The following RCC1L variants were observed in gnomAD, a reference collection of about 807,000 sequenced individuals.
The protein encoded by RCC1L is RCC1 like.
A neutral mutation model predicts 58.6 loss-of-function variants in RCC1L; 46 were observed. The ratio of observed to expected loss-of-function variants is 0.79; its 90% CI spans 0.62 to 1.00. The LOEUF (loss-of-function observed/expected upper bound fraction) is 1.00. RCC1L is among the 50% of genes least tolerant of loss of function. RCC1L has a pLI of 0.00. For synonymous variants in RCC1L, 281 were observed against 262.9 expected, an observed-to-expected ratio of 1.07 and a Z score of -0.67; for missense variants, 636 against 623.6, an observed-to-expected ratio of 1.02 and a Z score of -0.21.
At chr7:75,038,495 G>A (rs1203639842), downstream of RCC1L, among the ~76,000 whole-genome samples, 1 of 149,838 alleles carries the variant, frequency 6.7e-6, no homozygotes, top group Admixed American at 6.7e-5. Flanking sequence ...GTGCAGTGGT[G>A]TGATCTTGGC....
intron 10 of RCC1L, among the ~76,000 whole-genome samples, chr7:75,030,955 C>T (rs2131965804): frequency 6.6e-6 from 1 of 152,276 alleles, no homozygotes; most frequent in South Asian, 2.1e-4. Flanking sequence ...TGCCCCTCAC[C>T]CAAACTTTGG....
chr7:75,073,423 C>T lies in RCC1L; in HGVS notation c.315G>A (p.Leu105=). 3.1e-6 allele frequency: 4 copies of T among 1,293,126 alleles called. No individual in the cohort carries two copies. Among genetic ancestry groups the T allele is most frequent in the Non-Finnish European group, 4.0e-6 (4 of 1,004,200 alleles). 80.1% of individuals were successfully genotyped at this position (1,293,126 alleles called of 1,614,324 possible). Residue 105 remains leucine, a synonymous_variant, in exon 1 of 11, where the codon CTG becomes CTA. Transcript: ENST00000610322. ...AAGCCGCGGCCTGCACCTTTTGGTCCAGCTCCAGGCGATAGGGCACGGGCT... is the reference window on the plus strand; with the variant it reads ...AAGCCGCGGCCTGCACCTTTTGGTCTAGCTCCAGGCGATAGGGCACGGGCT... The part of the protein sequence containing the change: ...RIQPVPYRLE[L]DQKISSAACG...
In RCC1L at chr7:75,073,795, C is replaced by T. The variant is rs1806870682; in HGVS notation, c.-58G>A. The T allele has an allele frequency of 6.7e-7, 1 of 1,499,968 alleles. No homozygotes were observed. The highest frequency in any genetic ancestry group is 1.3e-5 in the South Asian group (1 of 79,446). The allele number at this position is 1,499,968 out of a possible 1,614,324, so 92.9% of individuals were successfully genotyped here. A position where few individuals can be genotyped will look rare whatever the true frequency, so the allele number is the denominator to read the frequency against. On this transcript the variant is annotated 5_prime_UTR_variant, in exon 1 of 11. It adds an upstream start codon to the 5' untranslated region. Coordinates refer to ENST00000610322, the MANE Select transcript of RCC1L (RefSeq NM_030798.5). ...CCGCCATCTTGCGTGACCCTTAACA[C>T]CAGTCCTCGCCGGAAGAGGCTACGG...
intron 1 of RCC1L, among the ~76,000 whole-genome samples, chr7:75,073,176 T>C (rs1477822881): frequency 6.6e-5 from 10 of 152,106 alleles, no homozygotes; most frequent in Non-Finnish European, 1.2e-4. Flanking sequence ...AACTGTCGAC[T>C]CACTGGGTGC....
At chr7:75,070,577 A>T in intron 2 of RCC1L, 63 bp downstream of exon 2, 1 of 1,588,624 alleles carries the variant, frequency 6.3e-7, no homozygotes, top group South Asian at 1.1e-5. Flanking sequence ...CTCAAAAAAA[A>T]TACAAAAAAA....
Position 75,055,708 on chromosome 7 carries a change from A to G in RCC1L, c.1231+193T>C, listed in dbSNP as rs1584495972. ...CCAAACGAACCAAAATTAAAACTCC[A>G]GGGGGGGAAAACAAGACATTATACA... On this transcript the variant is annotated intron_variant, in intron 9 of 10. Transcript: ENST00000610322. The G allele has an allele frequency of 5.7e-5, 38 of 665,342 alleles. 2 individuals carry two copies. The South Asian group carries it at 6.7e-4, about 12-fold the overall frequency. 41.2% of individuals were successfully genotyped at this position (665,342 alleles called of 1,614,324 possible).
Position 75,073,671 on chromosome 7 carries a change from GC to G in RCC1L, c.66del (p.Arg23GlufsTer167). 1 of 1,485,342 alleles carries G rather than the reference GC, an allele frequency of 6.7e-7. No individual in the cohort carries two copies. The highest frequency in any genetic ancestry group is 2.3e-5 in the Admixed American group (1 of 44,014). The allele number at this position is 1,485,342 out of a possible 1,614,324, so 92.0% of individuals were successfully genotyped here. The part of the protein sequence containing the change: ...LGRRLSGPGL[G>X]RGHWTAAGRS... ...CGCCCGGCCGCCGTCCAGTGCCCTC[GC>G]CCCAGCCCCGGCCCGCTCAGCCGCC... On this transcript the variant is annotated frameshift_variant, in exon 1 of 11. Coordinates refer to ENST00000610322, the MANE Select transcript of RCC1L (RefSeq NM_030798.5). LOFTEE classifies it high-confidence loss of function.
intron 1 of RCC1L, among the ~76,000 whole-genome samples, chr7:75,071,145 C>T (rs1806712186): frequency 6.6e-6 from 1 of 152,234 alleles, no homozygotes. Flanking sequence ...CGTCAGCCAC[C>T]GTGCCTGGCC....
chr7:75,043,213 TAGGAGACAGCTTGTCTCAGC>T lies in RCC1L; in HGVS notation c.1318-124_1318-105del, dbSNP rs1226486605. ...CCCTGCCTCTCAGTAGGAGACTCAG[TAGGAGACAGCTTGTCTCAGC>T]AGGAGACAGCTTGTCTCAGTAGGAG... On this transcript the variant is annotated intron_variant, in intron 10 of 10. Transcript: ENST00000610322. 1,527 of 1,281,544 alleles carry T rather than the reference TAGGAGACAGCTTGTCTCAGC, an allele frequency of 1.2e-3. 5 individuals carry two copies. Among genetic ancestry groups the T allele is most frequent in the Middle Eastern group, 3.4e-3 (14 of 4,060 alleles). The allele number at this position is 1,281,544 out of a possible 1,614,324, so 79.4% of individuals were successfully genotyped here. A position where few individuals can be genotyped will look rare whatever the true frequency, so the allele number is the denominator to read the frequency against.
chr7:75,070,505 A>T (rs782681053), intron 2 of RCC1L, 135 bp downstream of exon 2: 47 of 1,176,426 alleles, frequency 4.0e-5, no homozygotes, highest in Non-Finnish European at 5.1e-5. Flanking sequence ...CGGGAGGTGG[A>T]GGTTGCAGTG....
At chr7:75,068,135 C>T (rs895964491) in intron 2 of RCC1L, among the ~76,000 whole-genome samples, 4 of 151,434 alleles carry the variant, frequency 2.6e-5, no homozygotes, top group Admixed American at 2.6e-4. Context: ...GCCTGACCAA[C>T]GTGGAGAAAC....
intron 10 of RCC1L, among the ~76,000 whole-genome samples, chr7:75,033,337 GTTAGAC>G (rs1440563005): frequency 5.3e-5 from 8 of 152,154 alleles, no homozygotes; most frequent in African/African-American, 9.6e-5. Flanking sequence ...GGACGGGAGA[GTTAGAC>G]TTAGACAAGA....
At chr7:75,028,167 G>A in intron 10 of RCC1L, 1 of 1,267,632 alleles carries the variant, frequency 7.9e-7, no homozygotes, top group Non-Finnish European at 1.1e-6. Flanking sequence ...GCCCAGGCTG[G>A]AGTGCTGTGG....
rs1554446540 is a variant in RCC1L, at chr7:75,073,646, C to G, written c.92G>C (p.Arg31Pro). ...LGRGHWTAAG[R>P]SRSRREAAEA... ...TGCCGCTTCGCGCCGGCTCCGGGAG[C>G]GCCCGGCCGCCGTCCAGTGCCCTCG... Residue 31 changes from arginine (R) to proline (P), a missense_variant, in exon 1 of 11, where the codon CGC becomes CCC. Physicochemically the swap from Arg to Pro is moderately radical, Grantham distance 103. Transcript: ENST00000610322. 1 of 1,475,264 alleles carries G rather than the reference C, an allele frequency of 6.8e-7. No homozygotes were observed. The highest frequency in any genetic ancestry group is 2.4e-5 in the Admixed American group (1 of 41,820). 91.4% of individuals were successfully genotyped at this position (1,475,264 alleles called of 1,614,324 possible).
At chr7:75,056,729 A>T (rs1554443994) in intron 8 of RCC1L, 2 of 1,535,446 alleles carry the variant, frequency 1.3e-6, no homozygotes, top group South Asian at 2.4e-5. Flanking sequence ...ATGTATCTAC[A>T]GATAAATCGC....
intron 2 of RCC1L, among the ~76,000 whole-genome samples, chr7:75,069,458 C>T (rs1806642132): frequency 6.6e-6 from 1 of 151,990 alleles, no homozygotes; most frequent in Non-Finnish European, 1.5e-5. Context: ...CCTCCCATCT[C>T]GGCCTCCCAA....
chr7:75,052,595 G>A (rs1584494136), intron 10 of RCC1L, 116 bp downstream of exon 10: 3 of 940,244 alleles, frequency 3.2e-6, no homozygotes, highest in Non-Finnish European at 5.0e-6. Context: ...GGACCCGGAA[G>A]GGGGAGCAGG....
At chr7:75,069,882 C>T (rs146882499) in intron 2 of RCC1L, among the ~76,000 whole-genome samples, 1,858 of 152,212 alleles carry the variant, frequency 0.012, 17 homozygotes, top group Non-Finnish European at 0.02. Context: ...GGACTACAGG[C>T]GTGAGGCACC....
rs1048625377 is a variant in RCC1L at position 75,034,371 on chromosome 7, C to G, written c.1318-6292G>C. On this transcript the variant is annotated intron_variant, in intron 10 of 10. Transcript: ENST00000614461. Reference sequence around the variant, plus strand: ...TCTCTACGAAAATACAAAAAATTAGCCAAGCATGGCGGTGTGTGCCTGTAA... The same window carrying G: ...TCTCTACGAAAATACAAAAAATTAGGCAAGCATGGCGGTGTGTGCCTGTAA... 2.6e-5 allele frequency among the ~76,000 whole-genome samples: 4 copies of G among 152,220 alleles called. No individual in the cohort carries two copies. The East Asian group carries it at 7.7e-4, about 29-fold the overall frequency.
Sources: allele counts gnomAD v4.1 joint callset (sites outside exome capture counted in the v4.1 genomes callset), GRCh38; gene constraint gnomAD v4.1.1; transcripts MANE v1.5; gene names NCBI Gene and HGNC (gene_info 2026-07-23, HGNC 2026-07-21).